Variants in GALK2 observed in about 807,000 individuals in gnomAD.
GALK2 encodes the protein N-acetylgalactosamine kinase.
A neutral mutation model predicts 52.4 loss-of-function variants in GALK2; 36 were observed. The observed-to-expected ratio is 0.69, with a 90% CI of 0.53 to 0.91. The LOEUF is 0.91. Ranked by LOEUF, GALK2 falls within the 40% of genes least tolerant of loss-of-function variation. The pLI is 0.00. For synonymous variants in GALK2, 176 were observed against 199.1 expected, an observed-to-expected ratio of 0.88 and a Z score of 0.98; for missense variants, 579 against 559.1, an observed-to-expected ratio of 1.04 and a Z score of -0.36.
chr15:49,264,327 C>T (rs1045709397), intron 5 of GALK2, among the ~76,000 whole-genome samples: 3 of 152,192 alleles, frequency 2.0e-5, no homozygotes, highest in African/African-American at 4.8e-5. Flanking sequence ...ATTTCATCTT[C>T]CATCACTGAT....
intron 3 of GALK2, among the ~76,000 whole-genome samples, chr15:49,351,370 C>G (rs893087691): frequency 6.6e-6 from 1 of 152,158 alleles, no homozygotes; most frequent in Non-Finnish European, 1.5e-5. Flanking sequence ...ACGGCCAATT[C>G]CGCCCAAACT....
intron 1 of GALK2, among the ~76,000 whole-genome samples, chr15:49,191,361 TAAC>T (rs1196742296): frequency 6.6e-6 from 1 of 152,172 alleles, no homozygotes; most frequent in Non-Finnish European, 1.5e-5. Flanking sequence ...GAAAGTCAGA[TAAC>T]AACTTAGTTT....
intron 1 of GALK2, among the ~76,000 whole-genome samples, chr15:49,199,772 A>G (rs2087576662): frequency 6.6e-6 from 1 of 152,132 alleles, no homozygotes; most frequent in Non-Finnish European, 1.5e-5. Context: ...GGTATGGAGG[A>G]GCAGAAACTA....
chr15:49,160,219 G>T (rs2084603166), intron 1 of GALK2, among the ~76,000 whole-genome samples: 1 of 152,030 alleles, frequency 6.6e-6, no homozygotes, highest in South Asian at 2.1e-4. Flanking sequence ...GGGTTGCAGT[G>T]AGCCAAGATT....
intron 1 of GALK2, among the ~76,000 whole-genome samples, chr15:49,161,102 ATGT>A (rs911303610): frequency 1.3e-5 from 2 of 152,256 alleles, no homozygotes; most frequent in Non-Finnish European, 2.9e-5. Flanking sequence ...ATGAAACTGC[ATGT>A]TGATTTACAT....
At chr15:49,175,032 C>T (rs994071942) in intron 1 of GALK2, among the ~76,000 whole-genome samples, 1 of 152,102 alleles carries the variant, frequency 6.6e-6, no homozygotes, top group Admixed American at 6.6e-5. Context: ...ACAATAGAGT[C>T]ATACATATTC....
At chr15:49,324,241 T>G (rs1028950208) in intron 9 of GALK2, among the ~76,000 whole-genome samples, 1 of 152,194 alleles carries the variant, frequency 6.6e-6, no homozygotes, top group Non-Finnish European at 1.5e-5. Context: ...TAATTTACTT[T>G]GTCTTCCTCA....
chr15:49,337,439 C>T (rs773714971), intron 3 of GALK2, among the ~76,000 whole-genome samples: 71 of 128,294 alleles, frequency 5.5e-4, no homozygotes, highest in Non-Finnish European at 8.2e-4. Context: ...TCTCTGCTGA[C>T]GAGTGATGCT....
rs1348253206 is a variant in GALK2 at position 49,244,205 on chromosome 15, G to A, written c.504+4838G>A. Among the ~76,000 whole-genome samples the A allele has an allele frequency of 2.6e-5, 4 of 151,880 alleles. No homozygotes were observed. In the East Asian group the frequency reaches 7.8e-4, roughly 30 times the overall value. On this transcript the variant is annotated intron_variant, in intron 5 of 9. Transcript: ENST00000560031. ...GATCCTCCCTCATCAGCCTCTCAAA[G>A]CTCTGGGATTATAGGTGTGAGCCAC...
chr15:49,168,076 A>G (rs1213933608), upstream of GALK2, among the ~76,000 whole-genome samples: 1 of 152,192 alleles, frequency 6.6e-6, no homozygotes, highest in East Asian at 1.9e-4. Flanking sequence ...TTTTAGTTCT[A>G]GCTCTGTTAA....
intron 2 of GALK2, among the ~76,000 whole-genome samples, chr15:49,209,906 G>C (rs372298976): frequency 6.6e-6 from 1 of 152,124 alleles, no homozygotes; most frequent in Admixed American, 6.5e-5. Context: ...GAAAAGAATT[G>C]GTGTTAGTTC....
At chr15:49,192,344 T>A (rs1476626888) in intron 1 of GALK2, among the ~76,000 whole-genome samples, 1 of 151,760 alleles carries the variant, frequency 6.6e-6, no homozygotes, top group Non-Finnish European at 1.5e-5. Flanking sequence ...CTAGAAATGA[T>A]ATTCTTTTAA....
intron 1 of GALK2, chr15:49,170,682 C>T (rs563902385): frequency 9.6e-6 from 3 of 313,204 alleles, no homozygotes; most frequent in African/African-American, 2.2e-5. Flanking sequence ...CATATCCACA[C>T]TGAACTCCTC....
chr15:49,180,769 A>G (rs1026779429), intron 1 of GALK2, among the ~76,000 whole-genome samples: 1 of 152,104 alleles, frequency 6.6e-6, no homozygotes, highest in African/African-American at 2.4e-5. Flanking sequence ...ATTGCCTAGA[A>G]TGCTTCACCG....
chr15:49,196,942 AT>A (rs1211296319), intron 1 of GALK2, among the ~76,000 whole-genome samples: 1 of 152,110 alleles, frequency 6.6e-6, no homozygotes, highest in African/African-American at 2.4e-5. Flanking sequence ...ATTAAAAAAT[AT>A]TTTAGCTAGG....
chr15:49,343,142 CCT>C (rs1159858292), intron 3 of GALK2, among the ~76,000 whole-genome samples: 2 of 152,034 alleles, frequency 1.3e-5, no homozygotes, highest in Non-Finnish European at 2.9e-5. Flanking sequence ...TACTTTTTCT[CCT>C]CTCTCAGGAA....
intron 3 of GALK2, chr15:49,366,048 C>CT (rs1223795522): frequency 2.2e-5 from 18 of 815,306 alleles, no homozygotes; most frequent in Non-Finnish European, 3.3e-5. Flanking sequence ...GATATTCTTC[C>CT]TTTTTTTTCC....
chr15:49,356,254 G>A (rs1449459577), intron 3 of GALK2, among the ~76,000 whole-genome samples: 2 of 151,618 alleles, frequency 1.3e-5, no homozygotes, highest in South Asian at 2.1e-4. Context: ...AAATGTAAAT[G>A]GACTAAATGC....
chr15:49,331,897 A>G (rs368439889), downstream of GALK2: 2 of 1,073,186 alleles, frequency 1.9e-6, no homozygotes, highest in African/African-American at 3.1e-5. Context: ...TTGTCCTTAT[A>G]TTGACACCAT....
Sources: allele counts gnomAD v4.1 joint callset (sites outside exome capture counted in the v4.1 genomes callset), GRCh38; gene constraint gnomAD v4.1.1; transcripts MANE v1.5; gene names NCBI Gene and HGNC (gene_info 2026-07-23, HGNC 2026-07-21).